STAT4: variants seen among roughly 807,000 people sequenced by gnomAD.
STAT4 encodes the protein signal transducer and activator of transcription 4.
Under a neutral mutation model 110.5 loss-of-function variants are expected in STAT4, and 42 were observed. That is an observed-to-expected ratio of 0.38 (90% CI 0.30 to 0.49). STAT4 has a LOEUF of 0.49. Among genes scored for constraint, STAT4 ranks in the 20% least tolerant of loss-of-function variants. The probability of loss-of-function intolerance (pLI) is 0.95; values close to 1 mark genes in which losing one functional copy is unlikely to be tolerated. For synonymous variants in STAT4, 284 were observed against 302.2 expected (o/e 0.94, Z 0.63); for missense variants, 632 against 887.9 (o/e 0.71, Z 3.66).
At chr2:191,055,298 A>C (rs1363773480) in intron 13 of STAT4, among the ~76,000 whole-genome samples, 2 of 150,508 alleles carry the variant, frequency 1.3e-5, no homozygotes, top group Admixed American at 1.3e-4. Context: ...TCCAGGGTTC[A>C]TGCCATTTTC....
At chr2:191,057,091 G>A (rs1008623175) in intron 13 of STAT4, among the ~76,000 whole-genome samples, 4 of 152,160 alleles carry the variant, frequency 2.6e-5, no homozygotes, top group South Asian at 4.2e-4. Context: ...CCCCTTCTAC[G>A]CTACTGAATA....
chr2:191,080,673 T>C (rs1052014092), intron 3 of STAT4, among the ~76,000 whole-genome samples: 2 of 152,126 alleles, frequency 1.3e-5, no homozygotes, highest in African/African-American at 4.8e-5. Flanking sequence ...ACATCACTAA[T>C]AGATGAGATT....
intron 3 of STAT4, among the ~76,000 whole-genome samples, chr2:191,100,080 A>T (rs1210417526): frequency 6.6e-6 from 1 of 152,190 alleles, no homozygotes; most frequent in Non-Finnish European, 1.5e-5. Context: ...ATTTTTAATT[A>T]ATTTACATAA....
intron 6 of STAT4, among the ~76,000 whole-genome samples, chr2:191,067,861 G>T (rs993168727): frequency 1.3e-5 from 2 of 152,150 alleles, no homozygotes; most frequent in Non-Finnish European, 2.9e-5. Flanking sequence ...TGGGGGCTGG[G>T]AATGCTGATT....
intron 3 of STAT4, among the ~76,000 whole-genome samples, chr2:191,076,993 T>A (rs945919387): frequency 4.6e-5 from 7 of 152,198 alleles, no homozygotes; most frequent in African/African-American, 1.7e-4. Context: ...TAACTGTGTG[T>A]CATGGTTTGC....
At chr2:191,067,357 A>G (rs776608109) in intron 6 of STAT4, among the ~76,000 whole-genome samples, 5 of 152,082 alleles carry the variant, frequency 3.3e-5, no homozygotes, top group Non-Finnish European at 7.4e-5. Context: ...ATCTACCTAG[A>G]AACTGGACCC....
In STAT4 at chr2:191,066,675, T is replaced by TGCCA. The variant is rs1249641344; in HGVS notation, c.545-164_545-161dup. Among the ~76,000 whole-genome samples the TGCCA allele has an allele frequency of 6.6e-6, 1 of 152,200 alleles. No individual in the cohort carries two copies. The highest frequency in any genetic ancestry group is 2.4e-5 in the African/African-American group (1 of 41,444). On this transcript the variant is annotated intron_variant, in intron 6 of 23. Transcript: ENST00000392320. The surrounding 1 kb of genome is among the most constrained non-coding windows in gnomAD (Gnocchi z 4.3). ...AGCTTGGAAGTCTGTCTGCTCATTTTGCCAGGGAGAATCACATCCAAGCAT... is the reference window on the plus strand; with the variant it reads ...AGCTTGGAAGTCTGTCTGCTCATTTTGCCAGCCAGGGAGAATCACATCCAAGCAT...
At chr2:191,115,473 C>T (rs1698546484) in intron 3 of STAT4, among the ~76,000 whole-genome samples, 1 of 152,086 alleles carries the variant, frequency 6.6e-6, no homozygotes, top group Admixed American at 6.5e-5. Context: ...CCCACTTGTC[C>T]TTCTGTCTGG....
chr2:191,144,432 G>A lies in STAT4; in HGVS notation c.273+2181C>T, dbSNP rs1270069677. Among the ~76,000 whole-genome samples, 1 of 152,142 alleles carries A rather than the reference G, an allele frequency of 6.6e-6. No homozygotes were observed. The highest frequency in any genetic ancestry group is 1.5e-5 in the Non-Finnish European group (1 of 68,042). On this transcript the variant is annotated intron_variant, in intron 3 of 23. Coordinates refer to ENST00000392320, the MANE Select transcript of STAT4 (RefSeq NM_003151.4). The surrounding 1 kb of genome is among the most constrained non-coding windows in gnomAD (Gnocchi z 4.7). Reference sequence around the variant, plus strand: ...GGACAAGGCTGAGTCATTCAAGAGTGTGTGTGACGTGTTCAGGAACAAGTA... The same window carrying A: ...GGACAAGGCTGAGTCATTCAAGAGTATGTGTGACGTGTTCAGGAACAAGTA...
At chr2:191,092,775 G>A (rs934460580) in intron 3 of STAT4, among the ~76,000 whole-genome samples, 2 of 152,192 alleles carry the variant, frequency 1.3e-5, no homozygotes, top group Admixed American at 6.5e-5. Flanking sequence ...AAGGGTCGGG[G>A]GATTTCACTT....
intron 14 of STAT4, among the ~76,000 whole-genome samples, chr2:191,044,537 C>T (rs1011207336): frequency 6.6e-6 from 1 of 152,032 alleles, no homozygotes; most frequent in Non-Finnish European, 1.5e-5. Context: ...AGAGTCTCTC[C>T]AATAAAAAGG....
At chr2:191,094,917 C>A (rs377635579) in intron 3 of STAT4, among the ~76,000 whole-genome samples, 960 of 77,574 alleles carry the variant, frequency 0.012, no homozygotes, top group African/African-American at 0.025. Flanking sequence ...AAATGGAAAG[C>A]AAAAAAAAAA....
chr2:191,044,681 T>A (rs1007299553), intron 14 of STAT4, among the ~76,000 whole-genome samples: 1 of 152,036 alleles, frequency 6.6e-6, no homozygotes, highest in Non-Finnish European at 1.5e-5. Flanking sequence ...ACCCCACAAT[T>A]GCACAACAGG....
At chr2:191,052,383 C>T (rs999052730) in intron 14 of STAT4, among the ~76,000 whole-genome samples, 2 of 152,104 alleles carry the variant, frequency 1.3e-5, no homozygotes, top group Admixed American at 1.3e-4. Flanking sequence ...AAAATTAACC[C>T]GATTCGGCAA....
chr2:191,052,313 GT>G lies in STAT4; in HGVS notation c.1251+2176del, dbSNP rs771215237. On this transcript the variant is annotated intron_variant, in intron 14 of 23. Coordinates refer to ENST00000392320, the MANE Select transcript of STAT4 (RefSeq NM_003151.4). ...TTCAATCTGTGGTTTGTTTTTAAAT[GT>G]ACCTAGGAGTCATACTAAAATTCTG... Among the ~76,000 whole-genome samples the G allele has an allele frequency of 6.8e-3, 1,040 of 152,194 alleles. 4 individuals carry two copies. The highest frequency in any genetic ancestry group is 0.01 in the South Asian group (49 of 4,824).
Position 191,043,436 on chromosome 2 carries a change from T to A in STAT4, c.1252-2288A>T, listed in dbSNP as rs115887108. The stretch of plus-strand genomic sequence containing the variant: ...TGGAGTAGAGGAAATGTCAAAGACA[T>A]AAACAAATTGTAATTCTTATATACC... On this transcript the variant is annotated intron_variant, in intron 14 of 23. Coordinates refer to ENST00000392320, the MANE Select transcript of STAT4 (RefSeq NM_003151.4). This position sits in a 1 kb window ranked among gnomAD's most constrained non-coding sequence, Gnocchi z 4.8. 9.3e-3 allele frequency among the ~76,000 whole-genome samples: 1,414 copies of A among 152,270 alleles called. 15 individuals carry two copies. The highest frequency in any genetic ancestry group is 0.032 in the African/African-American group (1,329 of 41,544).
chr2:191,118,517 A>G (rs143877926), intron 3 of STAT4, among the ~76,000 whole-genome samples: 332 of 152,300 alleles, frequency 2.2e-3, no homozygotes, highest in African/African-American at 7.5e-3. Context: ...AACATAATAT[A>G]GTCATTATTC....
At chr2:191,071,624 AATACCC>A (rs1697155520) in intron 5 of STAT4, among the ~76,000 whole-genome samples, 1 of 152,192 alleles carries the variant, frequency 6.6e-6, no homozygotes, top group Non-Finnish European at 1.5e-5. Flanking sequence ...AAAAGGTGAA[AATACCC>A]AGCAATAATC....
rs1236282942 is a variant in STAT4 at position 191,036,157 on chromosome 2, C to T, written c.1570+7G>A. 2 of 1,613,984 alleles carry T rather than the reference C, an allele frequency of 1.2e-6. No individual in the cohort carries two copies. The highest frequency in any genetic ancestry group is 4.5e-5 in the East Asian group (2 of 44,884). On this transcript the variant is annotated splice_region_variant and intron_variant, in intron 17 of 23. Coordinates refer to ENST00000392320, the MANE Select transcript of STAT4 (RefSeq NM_003151.4). ...GAGGCAAATCCTCTCTATCTACCAG[C>T]TCTCACCTGTAAGCTTCTCTGCCAG...
Sources: gnomAD v4.1 joint callset for allele counts (sites outside exome capture counted in the v4.1 genomes callset) on GRCh38, gnomAD v4.1.1 for gene constraint, Gnocchi (gnomAD v3.1) non-coding constraint, MANE v1.5 for transcripts, NCBI Gene and HGNC (gene_info 2026-07-23, HGNC 2026-07-21) for gene names.